Variants in PRKN observed in about 807,000 individuals in gnomAD.
The protein encoded by PRKN is parkin RBR E3 ubiquitin protein ligase, also known as E3 ubiquitin-protein ligase parkin.
A neutral mutation model predicts 59.5 loss-of-function variants in PRKN; 56 were observed. The observed-to-expected ratio is 0.94, with a 90% CI of 0.76 to 1.18. The LOEUF is 1.18. Among genes scored for constraint, PRKN ranks in the 50% most tolerant of loss-of-function variants. The pLI is 0.00. For synonymous variants in PRKN, 250 were observed against 222.1 expected, an observed-to-expected ratio of 1.13 and a Z score of -1.12; for missense variants, 657 against 596.4, an observed-to-expected ratio of 1.10 and a Z score of -1.06.
At chr6:161,601,242 G>A (rs1782093909) in intron 7 of PRKN, among the ~76,000 whole-genome samples, 1 of 152,132 alleles carries the variant, frequency 6.6e-6, no homozygotes, top group Admixed American at 6.5e-5. Context: ...ATTTCTCACA[G>A]TTCTGGAGGC....
At chr6:161,963,232 C>T (rs745796800) in intron 6 of PRKN, among the ~76,000 whole-genome samples, 6 of 152,296 alleles carry the variant, frequency 3.9e-5, no homozygotes, top group East Asian at 3.9e-4. Context: ...AGTTACAACA[C>T]GCAAGGTTGA....
chr6:162,380,157 T>C (rs935307497), intron 2 of PRKN, among the ~76,000 whole-genome samples: 1 of 152,134 alleles, frequency 6.6e-6, no homozygotes, highest in African/African-American at 2.4e-5. Context: ...TAATAGACTG[T>C]AATTTGGCAC....
chr6:161,928,692 G>A (rs1180113733), intron 6 of PRKN, among the ~76,000 whole-genome samples: 1 of 152,190 alleles, frequency 6.6e-6, no homozygotes, highest in African/African-American at 2.4e-5. Flanking sequence ...AGCTGACCTA[G>A]TGAGGTAGGT....
intron 2 of PRKN, among the ~76,000 whole-genome samples, chr6:162,384,900 G>A (rs1450452088): frequency 6.6e-6 from 1 of 151,962 alleles, no homozygotes; most frequent in African/African-American, 2.4e-5. Flanking sequence ...CATTAGCTTC[G>A]AAGTCTTTAT....
At chr6:161,739,243 A>G (rs1237918461) in intron 7 of PRKN, among the ~76,000 whole-genome samples, 3 of 152,054 alleles carry the variant, frequency 2.0e-5, no homozygotes, top group Non-Finnish European at 4.4e-5. Flanking sequence ...TCCCATCTCT[A>G]CCAAAAACAT....
At chr6:162,286,288 G>C (rs866949107) in intron 2 of PRKN, among the ~76,000 whole-genome samples, 2 of 151,570 alleles carry the variant, frequency 1.3e-5, no homozygotes, top group Middle Eastern at 3.4e-3. Context: ...GGATGTTCTT[G>C]TGTTTGTTTG....
chr6:161,516,636 T>C (rs1379385437), intron 9 of PRKN, among the ~76,000 whole-genome samples: 3 of 151,172 alleles, frequency 2.0e-5, no homozygotes, highest in African/African-American at 4.8e-5. Flanking sequence ...GAGACCAGCC[T>C]GGCCAACGTG....
chr6:162,636,394 A>G (rs1777714138), intron 1 of PRKN, among the ~76,000 whole-genome samples: 1 of 152,206 alleles, frequency 6.6e-6, no homozygotes, highest in South Asian at 2.1e-4. Flanking sequence ...GGAGAAATAA[A>G]CCAACCAATA....
intron 9 of PRKN, among the ~76,000 whole-genome samples, chr6:161,452,031 C>A (rs1382552845): frequency 2.0e-5 from 3 of 151,842 alleles, no homozygotes; most frequent in Non-Finnish European, 2.9e-5. Context: ...TCTTGGCTCA[C>A]TGCACCCTCC....
chr6:162,024,929 T>A (rs571875928), intron 5 of PRKN, among the ~76,000 whole-genome samples: 1 of 152,298 alleles, frequency 6.6e-6, no homozygotes, highest in East Asian at 1.9e-4. Flanking sequence ...TAAGTCTTTT[T>A]TTATATTATG....
intron 5 of PRKN, among the ~76,000 whole-genome samples, chr6:162,040,380 G>A (rs1393847059): frequency 6.6e-6 from 1 of 151,378 alleles, no homozygotes; most frequent in Non-Finnish European, 1.5e-5. Flanking sequence ...TCTGACCTAG[G>A]TCTGTGGGGA....
chr6:161,623,431 C>A (rs189986688), intron 7 of PRKN, among the ~76,000 whole-genome samples: 2 of 152,330 alleles, frequency 1.3e-5, no homozygotes, highest in Admixed American at 6.5e-5. Flanking sequence ...ATATACACTT[C>A]CAGTGTCACA....
At chr6:162,294,737 TAAA>T (rs367932933) in intron 2 of PRKN, among the ~76,000 whole-genome samples, 1 of 145,354 alleles carries the variant, frequency 6.9e-6, no homozygotes, top group Non-Finnish European at 1.5e-5. Context: ...AGAATAAGAG[TAAA>T]AAAAAAGAGA....
chr6:161,549,393 G>A lies in PRKN; in HGVS notation c.934-390C>T, dbSNP rs545494311. Among the ~76,000 whole-genome samples, 35 of 152,030 alleles carry A rather than the reference G, an allele frequency of 2.3e-4. No individual in the cohort carries two copies. The highest frequency in any genetic ancestry group is 1.7e-3 in the South Asian group (8 of 4,810). ...AAATGATGAACACTTTTAATACATC[G>A]CTATCAATCTTATAAAGCAATATAT... On this transcript the variant is annotated intron_variant, in intron 8 of 11. Coordinates refer to ENST00000366898, the MANE Select transcript of PRKN (RefSeq NM_004562.3). This position sits in a 1 kb window ranked among gnomAD's most constrained non-coding sequence, Gnocchi z 6.0.
intron 2 of PRKN, among the ~76,000 whole-genome samples, chr6:162,396,797 T>C (rs917964467): frequency 6.6e-6 from 1 of 152,190 alleles, no homozygotes; most frequent in Non-Finnish European, 1.5e-5. Context: ...TCATATTTAC[T>C]GTGTTTTTAC....
rs1385375233 is a variant in PRKN at position 161,754,048 on chromosome 6, C to A, written c.871+31724G>T. ...AGGAATTTAAAGTAAAATGGGTGAGCCCAGTTGTGTAATTATCTCCAGCTC... is the reference window on the plus strand; with the variant it reads ...AGGAATTTAAAGTAAAATGGGTGAGACCAGTTGTGTAATTATCTCCAGCTC... On this transcript the variant is annotated intron_variant, in intron 7 of 11. Transcript: ENST00000366898. Among the ~76,000 whole-genome samples the A allele has an allele frequency of 3.1e-4, 47 of 151,960 alleles. 1 individual carries two copies. The highest frequency in any genetic ancestry group is 3.0e-3 in the Admixed American group (46 of 15,256).
At chr6:162,205,249 A>C (rs1784890155) in intron 3 of PRKN, among the ~76,000 whole-genome samples, 1 of 152,164 alleles carries the variant, frequency 6.6e-6, no homozygotes, top group African/African-American at 2.4e-5. Context: ...TTCTTGGTCA[A>C]AAAAGTTGCT....
intron 7 of PRKN, among the ~76,000 whole-genome samples, chr6:161,761,586 G>A (rs1789203940): frequency 6.6e-6 from 1 of 152,190 alleles, no homozygotes; most frequent in Admixed American, 6.5e-5. Context: ...AGAACTGTAA[G>A]CATCAGCATC....
intron 1 of PRKN, among the ~76,000 whole-genome samples, chr6:162,446,187 C>A (rs754717166): frequency 3.2e-4 from 48 of 152,084 alleles, no homozygotes; most frequent in Middle Eastern, 3.2e-3. Flanking sequence ...CATAAGACAA[C>A]CAATTCATCA....
Sources: gnomAD v4.1 joint callset for allele counts (sites outside exome capture counted in the v4.1 genomes callset) on GRCh38, gnomAD v4.1.1 for gene constraint, Gnocchi (gnomAD v3.1) non-coding constraint, MANE v1.5 for transcripts, NCBI Gene and HGNC (gene_info 2026-07-23, HGNC 2026-07-21) for gene names.